MAGI2: variants seen among roughly 807,000 people sequenced by gnomAD.
MAGI2 encodes membrane associated guanylate kinase, WW and PDZ domain containing 2, also known as membrane-associated guanylate kinase, WW and PDZ domain-containing protein 2.
In MAGI2, 35 loss-of-function variants were observed where a neutral mutation model predicts 133.3. That is an observed-to-expected ratio of 0.26 (90% CI 0.20 to 0.35). The LOEUF is 0.35. Among genes scored for constraint, MAGI2 ranks in the 10% least tolerant of loss-of-function variants. The pLI, the probability that MAGI2 is intolerant of heterozygous loss-of-function variation, is 1.00. For missense variants in MAGI2, 1,636 were observed against 1,863.4 expected, an observed-to-expected ratio of 0.88 and a Z score of 2.25; for synonymous variants, 729 against 710.6, an observed-to-expected ratio of 1.03 and a Z score of -0.41.
intron 20 of MAGI2, among the ~76,000 whole-genome samples, chr7:78,082,258 C>T (rs1312653587): frequency 2.0e-5 from 3 of 152,152 alleles, no homozygotes; most frequent in African/African-American, 7.2e-5. Flanking sequence ...CTTTTCCCTA[C>T]AAGGAACTTA....
chr7:78,301,070 T>A (rs1797778472), intron 9 of MAGI2, among the ~76,000 whole-genome samples: 1 of 152,064 alleles, frequency 6.6e-6, no homozygotes, highest in African/African-American at 2.4e-5. Flanking sequence ...ATACAATGAG[T>A]GGTGGAACTA....
intron 9 of MAGI2, among the ~76,000 whole-genome samples, chr7:78,296,003 A>C (rs185139516): frequency 1.3e-5 from 2 of 152,084 alleles, no homozygotes; most frequent in African/African-American, 2.4e-5. Flanking sequence ...TATTTACTCT[A>C]TGTCTCACCT....
intron 2 of MAGI2, among the ~76,000 whole-genome samples, chr7:78,870,129 T>G (rs940587372): frequency 2.0e-5 from 3 of 151,822 alleles, no homozygotes; most frequent in African/African-American, 7.3e-5. Flanking sequence ...AGAAATAACC[T>G]CATCAAAAAG....
intron 2 of MAGI2, among the ~76,000 whole-genome samples, chr7:78,716,949 C>T (rs1168842528): frequency 1.3e-5 from 2 of 152,286 alleles, no homozygotes; most frequent in East Asian, 1.9e-4. Context: ...TTATAAACTC[C>T]GGTCAGAGTG....
chr7:79,340,719 A>G (rs1840828389), intron 1 of MAGI2, among the ~76,000 whole-genome samples: 1 of 152,042 alleles, frequency 6.6e-6, no homozygotes, highest in African/African-American at 2.4e-5. Flanking sequence ...AAGTGTACAT[A>G]TGGCTGGGGA....
intron 1 of MAGI2, among the ~76,000 whole-genome samples, chr7:79,429,132 A>T (rs1451556414): frequency 6.6e-6 from 1 of 152,138 alleles, no homozygotes; most frequent in Non-Finnish European, 1.5e-5. Flanking sequence ...TCACAAAAGT[A>T]CTTCTCCACC....
intron 1 of MAGI2, among the ~76,000 whole-genome samples, chr7:79,232,539 G>A (rs1410446886): frequency 8.1e-6 from 1 of 123,878 alleles, no homozygotes; most frequent in African/African-American, 3.1e-5. Context: ...TATGTGTCGA[G>A]GAATTTATCC....
chr7:78,055,414 G>A (rs750529158), intron 21 of MAGI2, among the ~76,000 whole-genome samples: 3 of 152,216 alleles, frequency 2.0e-5, no homozygotes, highest in Non-Finnish European at 2.9e-5. Context: ...GTGCTTCTGA[G>A]TCAGAATCAG....
chr7:79,424,177 T>C (rs1410305123), intron 1 of MAGI2, among the ~76,000 whole-genome samples: 2 of 152,088 alleles, frequency 1.3e-5, no homozygotes. Context: ...TAGACTTTCA[T>C]ATGCTAAACA....
chr7:78,197,209 G>C (rs534176137), intron 11 of MAGI2, among the ~76,000 whole-genome samples: 1 of 152,194 alleles, frequency 6.6e-6, no homozygotes, highest in Non-Finnish European at 1.5e-5. Flanking sequence ...GATGTGGAAG[G>C]CCACATTTGT....
At position 79,426,403 on chromosome 7, in the gene MAGI2, A is replaced by T. The variant is rs371316931; in HGVS notation, c.301+26617T>A. ...TTCTCAGATCTGCATACAGACATAT[A>T]AAAAATTGTCATTGTAATATATTAC... On this transcript the variant is annotated intron_variant, in intron 1 of 21. Coordinates refer to ENST00000354212, the MANE Select transcript of MAGI2 (RefSeq NM_012301.4). Among the ~76,000 whole-genome samples, 8 of 152,274 alleles carry T rather than the reference A, an allele frequency of 5.3e-5. No individual in the cohort carries two copies. In the East Asian group the frequency reaches 1.5e-3, roughly 29 times the overall value.
intron 1 of MAGI2, among the ~76,000 whole-genome samples, chr7:79,344,465 A>T (rs1032167281): frequency 6.6e-6 from 1 of 152,138 alleles, no homozygotes; most frequent in Non-Finnish European, 1.5e-5. Flanking sequence ...GGCAGGAATA[A>T]CTTGTGAATT....
At chr7:79,166,494 G>C (rs1824929814) in intron 1 of MAGI2, among the ~76,000 whole-genome samples, 1 of 152,000 alleles carries the variant, frequency 6.6e-6, no homozygotes, top group Non-Finnish European at 1.5e-5. Context: ...TGAGACCCTG[G>C]GCAGAGAACT....
intron 6 of MAGI2, among the ~76,000 whole-genome samples, chr7:78,437,618 G>T (rs991194702): frequency 6.6e-6 from 1 of 152,170 alleles, no homozygotes; most frequent in African/African-American, 2.4e-5. Context: ...ACCAGCACCA[G>T]AGCAGCAACA....
chr7:78,478,136 A>G (rs1245239025), intron 6 of MAGI2, among the ~76,000 whole-genome samples: 1 of 151,450 alleles, frequency 6.6e-6, no homozygotes, highest in Non-Finnish European at 1.5e-5. Context: ...ATGTGTTCTC[A>G]TTGTTCAACT....
intron 2 of MAGI2, among the ~76,000 whole-genome samples, chr7:78,760,846 C>G (rs1418414431): frequency 6.6e-6 from 1 of 152,100 alleles, no homozygotes; most frequent in Non-Finnish European, 1.5e-5. Context: ...CCAAGAGGTA[C>G]CTGAGGCAAA....
chr7:78,051,305 C>T (rs1811979581), intron 21 of MAGI2, among the ~76,000 whole-genome samples: 1 of 152,136 alleles, frequency 6.6e-6, no homozygotes, highest in Non-Finnish European at 1.5e-5. Context: ...TTTAAACTGT[C>T]AAGAAAGTGT....
intron 1 of MAGI2, among the ~76,000 whole-genome samples, chr7:79,291,922 C>T (rs1333597596): frequency 6.6e-6 from 1 of 151,814 alleles, no homozygotes; most frequent in Non-Finnish European, 1.5e-5. Context: ...TTGATGAAGG[C>T]CAATTTATCT....
chr7:78,612,371 A>G (rs757074189), intron 3 of MAGI2, among the ~76,000 whole-genome samples: 33 of 152,152 alleles, frequency 2.2e-4, no homozygotes, highest in Non-Finnish European at 4.0e-4. Flanking sequence ...CAAGAAATAC[A>G]ACATAAGAAA....
Sources: allele counts gnomAD v4.1 joint callset (sites outside exome capture counted in the v4.1 genomes callset), GRCh38; gene constraint gnomAD v4.1.1; transcripts MANE v1.5; gene names NCBI Gene and HGNC (gene_info 2026-07-23, HGNC 2026-07-21).